COLGALT2: variants seen among roughly 807,000 people sequenced by gnomAD.
COLGALT2 encodes the protein procollagen galactosyltransferase 2.
A neutral mutation model predicts 73.4 loss-of-function variants in COLGALT2; 49 were observed. That is an observed-to-expected ratio of 0.67 (90% confidence interval 0.53 to 0.85). The LOEUF is 0.85. Ranked by LOEUF, COLGALT2 falls within the 40% of genes least tolerant of loss-of-function variation. The pLI is 0.00. For missense variants in COLGALT2, 722 were observed against 790.2 expected (o/e 0.91, Z 1.03); for synonymous variants, 295 against 307.6 (o/e 0.96, Z 0.43).
At chr1:183,969,168 G>T in intron 5 of COLGALT2, 101 bp downstream of exon 5, 1 of 979,244 alleles carries the variant, frequency 1.0e-6, no homozygotes, top group Non-Finnish European at 1.4e-6. Context: ...CTCACTACCA[G>T]ACATATGAGG....
At chr1:184,006,414 G>A (rs974519387) in intron 1 of COLGALT2, among the ~76,000 whole-genome samples, 24 of 151,918 alleles carry the variant, frequency 1.6e-4, no homozygotes, top group African/African-American at 5.1e-4. Flanking sequence ...GAGAAGCCTC[G>A]TCTCTACTAA....
chr1:184,021,949 A>G (rs941116012), intron 1 of COLGALT2, among the ~76,000 whole-genome samples: 4 of 152,218 alleles, frequency 2.6e-5, no homozygotes, highest in Non-Finnish European at 5.9e-5. Context: ...TCTACCAAAA[A>G]TGATCTCACT....
At chr1:183,955,138 G>A (rs991633829) in intron 6 of COLGALT2, among the ~76,000 whole-genome samples, 5 of 152,262 alleles carry the variant, frequency 3.3e-5, no homozygotes, top group South Asian at 2.1e-4. Flanking sequence ...CTCCAGAGTC[G>A]GATGATCTGG....
intron 1 of COLGALT2, among the ~76,000 whole-genome samples, chr1:184,028,438 T>C (rs964672817): frequency 2.6e-5 from 4 of 152,134 alleles, no homozygotes; most frequent in Admixed American, 1.3e-4. Context: ...CCAAAACATA[T>C]ACAATCACTC....
intron 4 of COLGALT2, among the ~76,000 whole-genome samples, chr1:183,973,283 T>C (rs1190155028): frequency 6.6e-6 from 1 of 152,152 alleles, no homozygotes; most frequent in African/African-American, 2.4e-5. Context: ...TTTTAATTTC[T>C]AAGTTTTTCT....
At chr1:184,033,533 C>T (rs1484585665) in intron 1 of COLGALT2, among the ~76,000 whole-genome samples, 2 of 152,176 alleles carry the variant, frequency 1.3e-5, no homozygotes, top group African/African-American at 4.8e-5. Context: ...AAAAAGCTTT[C>T]CTTTTTGCTT....
chr1:183,982,361 A>G (rs1462565954), intron 1 of COLGALT2, among the ~76,000 whole-genome samples: 1 of 152,176 alleles, frequency 6.6e-6, no homozygotes, highest in Non-Finnish European at 1.5e-5. Context: ...AACGTCAGCA[A>G]AAGTCACATC....
Position 183,938,389 on chromosome 1 carries a change from A to C in COLGALT2, c.*372T>G. The C allele has an allele frequency of 9.5e-7, 1 of 1,055,220 alleles. No individual in the cohort carries two copies. Among genetic ancestry groups the C allele is most frequent in the Non-Finnish European group, 1.1e-6 (1 of 872,812 alleles). 65.4% of individuals were successfully genotyped at this position (1,055,220 alleles called of 1,614,324 possible). Reference sequence around the variant, plus strand: ...GTTGGCCTGGCTGCCTTGACTACATATTTGCTGATGTGACAGCTCGGTGAT... The same window carrying C: ...GTTGGCCTGGCTGCCTTGACTACATCTTTGCTGATGTGACAGCTCGGTGAT... On this transcript the variant is annotated 3_prime_UTR_variant, in exon 12 of 12. Transcript: ENST00000361927.
chr1:183,981,894 A>G (rs1200886317), intron 1 of COLGALT2, among the ~76,000 whole-genome samples: 1 of 152,232 alleles, frequency 6.6e-6, no homozygotes, highest in Non-Finnish European at 1.5e-5. Flanking sequence ...GTAAAATACC[A>G]AGAAACTTAA....
intron 1 of COLGALT2, among the ~76,000 whole-genome samples, chr1:183,988,450 C>T (rs1399543428): frequency 1.3e-5 from 2 of 152,192 alleles, no homozygotes; most frequent in Non-Finnish European, 2.9e-5. Context: ...AATTCCAGAA[C>T]ATTTCCATCA....
downstream of COLGALT2, among the ~76,000 whole-genome samples, chr1:183,932,171 A>T (rs1669861705): frequency 6.6e-6 from 1 of 152,176 alleles, no homozygotes; most frequent in South Asian, 2.1e-4. Context: ...AAAACAAGAA[A>T]TGAGACACAT....
rs910803982 is a variant in COLGALT2 at position 183,951,070 on chromosome 1, C to T, written c.1073G>A (p.Arg358Gln). The change falls in exon 8 of 12, where the codon CGG becomes CAG. Residue 358 changes from arginine (R) to glutamine (Q), a missense_variant. By Grantham distance (43) the Arg-to-Gln change is conservative. Transcript: ENST00000361927. Reference protein sequence around the residue: ...NLKRRKDRRDRMLRTLYEQEI... With the variant: ...NLKRRKDRRDQMLRTLYEQEI... ...CTGTTCATACAGTGTGCGCAGCATC[C>T]GGTCCCGCCTGTCCTTTCTGCGTTT... 12 of 1,613,754 alleles carry T rather than the reference C, an allele frequency of 7.4e-6. No homozygotes were observed. Among genetic ancestry groups the T allele is most frequent in the East Asian group, 4.5e-5 (2 of 44,896 alleles).
chr1:183,938,750 C>A lies in COLGALT2; in HGVS notation c.*11G>T. 6.2e-7 allele frequency: 1 copy of A among 1,613,614 alleles called. No homozygotes were observed. Among genetic ancestry groups the A allele is most frequent in the Non-Finnish European group, 8.5e-7 (1 of 1,179,736 alleles). On this transcript the variant is annotated 3_prime_UTR_variant, in exon 12 of 12. Coordinates refer to ENST00000361927, the MANE Select transcript of COLGALT2 (RefSeq NM_015101.4). Reference sequence around the variant, plus strand: ...TGTTGAACTGATGTGGGCCACACTCCCAGGGAGCCTTCATAGCTCATCCCT... The same window carrying A: ...TGTTGAACTGATGTGGGCCACACTCACAGGGAGCCTTCATAGCTCATCCCT...
rs748893956 is a variant in COLGALT2 at position 183,940,799 on chromosome 1, T to G, written c.1398-12A>C. 5 of 1,611,286 alleles carry G rather than the reference T, an allele frequency of 3.1e-6. No homozygotes were observed. The East Asian group carries it at 1.1e-4, about 36-fold the overall frequency. Reference sequence around the variant, plus strand: ...TCCTACCAATATAACTGTAAGGAAATGGCAGAGGAGAAAAATTCCACCTTG... The same window carrying G: ...TCCTACCAATATAACTGTAAGGAAAGGGCAGAGGAGAAAAATTCCACCTTG... On this transcript the variant is annotated splice_polypyrimidine_tract_variant and intron_variant, in intron 10 of 11. Coordinates refer to ENST00000361927, the MANE Select transcript of COLGALT2 (RefSeq NM_015101.4).
Position 183,937,996 on chromosome 1 carries a change from C to T in COLGALT2, c.*765G>A. ...CATTTATCTTTATAAATAGAGCATCCTGACTCGAGTGGCCATAATAAAAAA... is the reference window on the plus strand; with the variant it reads ...CATTTATCTTTATAAATAGAGCATCTTGACTCGAGTGGCCATAATAAAAAA... On this transcript the variant is annotated 3_prime_UTR_variant, in exon 12 of 12. Coordinates refer to ENST00000361927, the MANE Select transcript of COLGALT2 (RefSeq NM_015101.4). 1.0e-6 allele frequency: 1 copy of T among 985,412 alleles called. No individual in the cohort carries two copies. Among genetic ancestry groups the T allele is most frequent in the Non-Finnish European group, 1.2e-6 (1 of 829,936 alleles). The allele number at this position is 985,412 out of a possible 1,614,324, so 61.0% of individuals were successfully genotyped here.
chr1:184,036,227 G>C (rs1649670375), intron 1 of COLGALT2, among the ~76,000 whole-genome samples: 1 of 152,102 alleles, frequency 6.6e-6, no homozygotes, highest in South Asian at 2.1e-4. Flanking sequence ...CTAACTTCTC[G>C]CCCTCGGATC....
chr1:184,022,015 C>T (rs556468012), intron 1 of COLGALT2, among the ~76,000 whole-genome samples: 2 of 152,300 alleles, frequency 1.3e-5, no homozygotes. Flanking sequence ...TTCTGGCAGC[C>T]AGAGTAAACT....
chr1:183,941,969 T>A (rs1006042819), intron 10 of COLGALT2, among the ~76,000 whole-genome samples: 49 of 149,194 alleles, frequency 3.3e-4, no homozygotes, highest in Admixed American at 6.8e-4. Flanking sequence ...TTTTTTTTTT[T>A]ATGGAGCCTT....
chr1:184,009,684 T>C (rs1031810697), intron 1 of COLGALT2, among the ~76,000 whole-genome samples: 1 of 152,192 alleles, frequency 6.6e-6, no homozygotes, highest in Non-Finnish European at 1.5e-5. Flanking sequence ...TTTTTCCAAA[T>C]CACTGAATGC....
Sources: gnomAD v4.1 joint callset for allele counts (sites outside exome capture counted in the v4.1 genomes callset) on GRCh38, gnomAD v4.1.1 for gene constraint, MANE v1.5 for transcripts, NCBI Gene and HGNC (gene_info 2026-07-23, HGNC 2026-07-21) for gene names.